Variants in NRG1 observed in about 807,000 individuals in gnomAD.
NRG1 encodes the protein neuregulin 1, also known as pro-neuregulin-1, membrane-bound isoform.
A neutral mutation model predicts 63.8 loss-of-function variants in NRG1; 18 were observed. The observed-to-expected ratio is 0.28, with a 90% CI of 0.19 to 0.42. NRG1 has a LOEUF of 0.42. Ranked by LOEUF, NRG1 falls within the 10% of genes least tolerant of loss-of-function variation. The probability of loss-of-function intolerance (pLI) is 1.00; values close to 1 mark genes in which losing one functional copy is unlikely to be tolerated. For missense variants in NRG1, 762 were observed against 814.7 expected (o/e 0.94, Z 0.79); for synonymous variants, 302 against 301.3 (o/e 1.00, Z -0.02).
At position 32,079,097 on chromosome 8, in the gene NRG1, G is replaced by A. The variant is rs148493794; in HGVS notation, c.37+439666G>A. Among the ~76,000 whole-genome samples, 14 of 151,202 alleles carry A rather than the reference G, an allele frequency of 9.3e-5. 1 individual carries two copies. The highest frequency in any genetic ancestry group is 3.4e-4 in the African/African-American group (14 of 41,278). On this transcript the variant is annotated intron_variant, in intron 1 of 10. Transcript: ENST00000519301. ...CAAGGATCCCCAGTTATGCTGATTG[G>A]AACTAGGACTAATGGTTTTAACACA... is the stretch of plus-strand genomic sequence containing the variant.
chr8:31,873,501 G>C (rs1366489426), intron 1 of NRG1, among the ~76,000 whole-genome samples: 2 of 152,192 alleles, frequency 1.3e-5, no homozygotes, highest in Non-Finnish European at 2.9e-5. Flanking sequence ...GGAGATTGCA[G>C]TGAGCTGAGA....
intron 2 of NRG1, among the ~76,000 whole-genome samples, chr8:32,603,537 G>C (rs1475884297): frequency 6.6e-6 from 1 of 152,076 alleles, no homozygotes; most frequent in Non-Finnish European, 1.5e-5. Flanking sequence ...GAGTGCAATG[G>C]TGTGGTCTCG....
chr8:32,276,151 T>C (rs148364263), intron 1 of NRG1, among the ~76,000 whole-genome samples: 1 of 152,280 alleles, frequency 6.6e-6, no homozygotes, highest in East Asian at 1.9e-4. Context: ...TCACCCTATC[T>C]AGCTGTAACT....
chr8:32,077,546 T>G (rs1826777813), intron 1 of NRG1, among the ~76,000 whole-genome samples: 1 of 152,222 alleles, frequency 6.6e-6, no homozygotes, highest in Non-Finnish European at 1.5e-5. Context: ...GGTTCTTCTT[T>G]TGTGCGTTTT....
intron 5 of NRG1, among the ~76,000 whole-genome samples, chr8:32,634,756 A>T (rs1851006085): frequency 6.6e-6 from 1 of 152,186 alleles, no homozygotes; most frequent in East Asian, 1.9e-4. Context: ...ATGATCTCTT[A>T]TGTAATTGAT....
intron 5 of NRG1, among the ~76,000 whole-genome samples, chr8:32,717,821 G>T (rs1040022971): frequency 1.3e-5 from 2 of 152,132 alleles, no homozygotes; most frequent in African/African-American, 4.8e-5. Flanking sequence ...GTTCAAAGAG[G>T]CCTGGCTCAA....
chr8:31,947,028 C>T (rs568932233), intron 1 of NRG1, among the ~76,000 whole-genome samples: 6 of 152,248 alleles, frequency 3.9e-5, no homozygotes, highest in Admixed American at 6.5e-5. Context: ...TGGCCGGGCG[C>T]GGTGGCTCAC....
chr8:31,764,871 C>A lies in NRG1; in HGVS notation c.37+125440C>A, dbSNP rs566769871. Among the ~76,000 whole-genome samples the A allele has an allele frequency of 1.2e-4, 18 of 146,700 alleles. No individual in the cohort carries two copies. The East Asian group carries it at 3.6e-3, about 29-fold the overall frequency. ...GTCATCTAGCATTAGGTATATCTCC[C>A]AATGCTATCCCTCCCCCCTCCCCCC... On this transcript the variant is annotated intron_variant, in intron 1 of 10. Coordinates refer to the NRG1 transcript ENST00000519301.
chr8:32,635,638 A>T, intron 5 of NRG1, among the ~76,000 whole-genome samples: 1 of 152,092 alleles, frequency 6.6e-6, no homozygotes, highest in East Asian at 1.9e-4. Context: ...CTGGGAGCAC[A>T]GTTAATTCTG....
At chr8:32,282,741 G>A (rs555761622) in intron 1 of NRG1, among the ~76,000 whole-genome samples, 1 of 152,250 alleles carries the variant, frequency 6.6e-6, no homozygotes, top group African/African-American at 2.4e-5. Context: ...GCCTTTAATA[G>A]ATTTAAAGAC....
At chr8:32,710,111 A>G (rs1387777246) in intron 5 of NRG1, among the ~76,000 whole-genome samples, 1 of 152,144 alleles carries the variant, frequency 6.6e-6, no homozygotes, top group East Asian at 1.9e-4. Flanking sequence ...AAATTACTTG[A>G]CAGTCAGGAA....
chr8:32,542,828 G>T (rs932415985), intron 1 of NRG1, among the ~76,000 whole-genome samples: 5 of 152,216 alleles, frequency 3.3e-5, no homozygotes, highest in African/African-American at 9.6e-5. Flanking sequence ...TGAAGCAATA[G>T]TCCAGGTGGA....
rs77279828 is a variant in NRG1 at position 32,172,122 on chromosome 8, C to A, written c.38-423706C>A. The stretch of plus-strand genomic sequence containing the variant: ...AGTAGGGGCAGACTGACACCTCCCA[C>A]AGCCAGGTACTCCTCTGAGACAAAA... On this transcript the variant is annotated intron_variant, in intron 1 of 10. Coordinates refer to the NRG1 transcript ENST00000519301. Among the ~76,000 whole-genome samples the A allele has an allele frequency of 3.5e-3, 536 of 152,306 alleles. 1 individual carries two copies. Among genetic ancestry groups the A allele is most frequent in the South Asian group, 0.024 (114 of 4,826 alleles).
At chr8:32,103,762 T>G (rs1191825124) in intron 1 of NRG1, among the ~76,000 whole-genome samples, 4 of 152,142 alleles carry the variant, frequency 2.6e-5, no homozygotes, top group Non-Finnish European at 4.4e-5. Context: ...GTTGTTGTTT[T>G]GAGACCTAAG....
At chr8:32,178,860 A>T (rs1368765528) in intron 1 of NRG1, among the ~76,000 whole-genome samples, 1 of 152,090 alleles carries the variant, frequency 6.6e-6, no homozygotes, top group South Asian at 2.1e-4. Flanking sequence ...TGACTTACAC[A>T]TGAAACATAT....
intron 1 of NRG1, among the ~76,000 whole-genome samples, chr8:31,870,485 A>G (rs187437179): frequency 4.7e-4 from 72 of 152,308 alleles, no homozygotes; most frequent in Admixed American, 2.5e-3. Context: ...GTCTTGAAGA[A>G]AAATGAAAAA....
chr8:32,702,243 G>A (rs1433502201), intron 5 of NRG1, among the ~76,000 whole-genome samples: 1 of 152,174 alleles, frequency 6.6e-6, no homozygotes, highest in African/African-American at 2.4e-5. Context: ...AATGACTCTA[G>A]GACATCACTC....
intron 1 of NRG1, among the ~76,000 whole-genome samples, chr8:31,846,104 G>T (rs1209109942): frequency 6.6e-6 from 1 of 152,118 alleles, no homozygotes; most frequent in East Asian, 1.9e-4. Context: ...TTTCACCCAA[G>T]GTTTTAAAAT....
Position 31,640,573 on chromosome 8 carries a change from G to C in NRG1, c.37+1142G>C. 6.2e-7 allele frequency: 1 copy of C among 1,611,898 alleles called. No individual in the cohort carries two copies. Among genetic ancestry groups the C allele is most frequent in the Non-Finnish European group, 8.5e-7 (1 of 1,179,454 alleles). ...GGGCCACCCCGCCTTCCCCTCCTGC[G>C]GGAGGCTCAAGGAGGACAGCAGGTA... is the stretch of plus-strand genomic sequence containing the variant. On this transcript the variant is annotated intron_variant, in intron 1 of 10. Transcript: ENST00000519301. This position sits in a 1 kb window ranked among gnomAD's most constrained non-coding sequence, Gnocchi z 6.3.
Sources: gnomAD v4.1 joint callset for allele counts (sites outside exome capture counted in the v4.1 genomes callset) on GRCh38, gnomAD v4.1.1 for gene constraint, Gnocchi (gnomAD v3.1) non-coding constraint, MANE v1.5 for transcripts, NCBI Gene and HGNC (gene_info 2026-07-23, HGNC 2026-07-21) for gene names.